MGAT4C: variants seen among roughly 807,000 people sequenced by gnomAD.
MGAT4C encodes the protein MGAT4 family member C.
MGAT4C carries 19 observed loss-of-function variants against 40.1 expected under a neutral mutation model. The ratio of observed to expected loss-of-function variants is 0.47; its 90% confidence interval spans 0.33 to 0.70. The LOEUF (loss-of-function observed/expected upper bound fraction) is 0.70. Among genes scored for constraint, MGAT4C ranks in the 30% least tolerant of loss-of-function variants. The pLI is 0.02. For missense variants in MGAT4C, 491 were observed against 563.2 expected (o/e 0.87, Z 1.30); for synonymous variants, 181 against 187.1 (o/e 0.97, Z 0.27).
intron 2 of MGAT4C, among the ~76,000 whole-genome samples, chr12:86,488,251 A>C (rs1373113757): frequency 2.1e-5 from 3 of 140,570 alleles, no homozygotes; most frequent in African/African-American, 7.7e-5. Context: ...CTTGTTTTCT[A>C]CAAAAAAAAA....
chr12:86,601,555 A>G (rs1424155197), intron 2 of MGAT4C, among the ~76,000 whole-genome samples: 1 of 151,668 alleles, frequency 6.6e-6, no homozygotes, highest in Non-Finnish European at 1.5e-5. Flanking sequence ...CACCTTGCTC[A>G]CCCTCCAATT....
intron 1 of MGAT4C, among the ~76,000 whole-genome samples, chr12:86,059,697 C>T (rs1297866607): frequency 1.3e-5 from 2 of 152,156 alleles, no homozygotes; most frequent in African/African-American, 2.4e-5. Context: ...TTAGCACAAC[C>T]ACAGTGGGAA....
intron 1 of MGAT4C, among the ~76,000 whole-genome samples, chr12:86,743,227 T>C (rs764079054): frequency 1.4e-5 from 2 of 146,384 alleles, no homozygotes; most frequent in African/African-American, 2.5e-5. Context: ...AGAGTTAATA[T>C]AAGCATTTCT....
Position 86,590,192 on chromosome 12 carries a change from C to T in MGAT4C, c.-229+137017G>A, listed in dbSNP as rs189710940. Among the ~76,000 whole-genome samples the T allele has an allele frequency of 2.6e-3, 397 of 151,126 alleles. 1 individual carries two copies. Among genetic ancestry groups the T allele is most frequent in the Non-Finnish European group, 4.5e-3 (301 of 67,606 alleles). ...TACTTCCCTAGGTGCTCTACAGCCG[C>T]GATTCTCTAATAAACCCTGTGTATG... On this transcript the variant is annotated intron_variant, in intron 2 of 7. Coordinates refer to the MGAT4C transcript ENST00000548651.
At position 86,107,044 on chromosome 12, in the gene MGAT4C, G is replaced by T. The variant is rs377748214; in HGVS notation, c.-56-57321C>A. Among the ~76,000 whole-genome samples, 48 of 152,154 alleles carry T rather than the reference G, an allele frequency of 3.2e-4. No individual in the cohort carries two copies. The South Asian group carries it at 9.7e-3, about 31-fold the overall frequency. On this transcript the variant is annotated intron_variant, in intron 1 of 4. Coordinates refer to ENST00000611864, the MANE Select transcript of MGAT4C (RefSeq NM_001351288.2). Reference sequence around the variant, plus strand: ...TAAGCCCTCAAGATTCACTTTTGTGGATCTGAAACATAAGTGTTTTTCTTT... The same window carrying T: ...TAAGCCCTCAAGATTCACTTTTGTGTATCTGAAACATAAGTGTTTTTCTTT...
chr12:86,121,310 G>A (rs1879337257), intron 1 of MGAT4C, among the ~76,000 whole-genome samples: 1 of 152,144 alleles, frequency 6.6e-6, no homozygotes, highest in African/African-American at 2.4e-5. Context: ...GAACCAAGTT[G>A]GAAAACACTC....
intron 1 of MGAT4C, among the ~76,000 whole-genome samples, chr12:86,239,950 G>A (rs1264145371): frequency 6.7e-6 from 1 of 149,560 alleles, no homozygotes; most frequent in Non-Finnish European, 1.5e-5. Flanking sequence ...TGGGTGCAGC[G>A]CACCAGCATG....
At chr12:86,461,261 C>T (rs1444897172) in intron 2 of MGAT4C, among the ~76,000 whole-genome samples, 3 of 129,262 alleles carry the variant, frequency 2.3e-5, no homozygotes, top group Non-Finnish European at 3.2e-5. Context: ...TTTTTTGAGA[C>T]GGAGTCTCGC....
At chr12:86,160,132 A>G (rs1593106747) in intron 1 of MGAT4C, among the ~76,000 whole-genome samples, 1 of 151,824 alleles carries the variant, frequency 6.6e-6, no homozygotes, top group Admixed American at 6.6e-5. Flanking sequence ...ACAAAGTTAC[A>G]TTGCTAATTT....
At chr12:86,356,766 G>A (rs1251105675) in intron 3 of MGAT4C, among the ~76,000 whole-genome samples, 2 of 92,816 alleles carry the variant, frequency 2.2e-5, no homozygotes, top group South Asian at 4.9e-4. Context: ...TGGCAGTGAG[G>A]CTGGGGGAGA....
At chr12:86,100,402 A>T (rs1401724888) in intron 1 of MGAT4C, among the ~76,000 whole-genome samples, 1 of 151,544 alleles carries the variant, frequency 6.6e-6, no homozygotes, top group Non-Finnish European at 1.5e-5. Flanking sequence ...AAATTATTAA[A>T]CATAAAATTT....
chr12:86,264,388 G>A (rs1206779747), intron 4 of MGAT4C, among the ~76,000 whole-genome samples: 2 of 151,998 alleles, frequency 1.3e-5, no homozygotes, highest in African/African-American at 2.4e-5. Flanking sequence ...GTGTTTGTTT[G>A]TTTTTGTTGT....
intron 2 of MGAT4C, among the ~76,000 whole-genome samples, chr12:86,612,395 T>C (rs1468504594): frequency 6.6e-6 from 1 of 152,076 alleles, no homozygotes; most frequent in Non-Finnish European, 1.5e-5. Flanking sequence ...TCTTATCACA[T>C]AGATTTTCAG....
chr12:86,233,805 T>C lies in MGAT4C; in HGVS notation c.-57+22434A>G, dbSNP rs575756337. 4.6e-4 allele frequency among the ~76,000 whole-genome samples: 70 copies of C among 152,292 alleles called. 1 individual carries two copies. Among genetic ancestry groups the C allele is most frequent in the Non-Finnish European group, 9.6e-4 (65 of 68,002 alleles). ...GTTTCCTTGTGAAATAAAATTGCAG[T>C]AAGTATATGTATACATTCATTTTAC... On this transcript the variant is annotated intron_variant, in intron 1 of 4. Coordinates refer to ENST00000611864, the MANE Select transcript of MGAT4C (RefSeq NM_001351288.2).
At position 85,974,740 on chromosome 12, in the gene MGAT4C, T is replaced by C. The variant is rs1028325663; in HGVS notation, c.*4549A>G. On this transcript the variant is annotated 3_prime_UTR_variant, in exon 5 of 5. Transcript: ENST00000611864. ...ATCACATTGAATTTTGTTATGGCCT[T>C]TTTCTTCCTAAAAAGAATAACCCCA... 4 of 150,664 alleles carry C rather than the reference T, an allele frequency of 2.7e-5. No homozygotes were observed. Among genetic ancestry groups the C allele is most frequent in the Non-Finnish European group, 6.0e-5 (4 of 66,990 alleles). The allele number at this position is 150,664 out of a possible 1,614,324, so 9.3% of individuals were successfully genotyped here.
At position 85,976,248 on chromosome 12, in the gene MGAT4C, T is replaced by G. The variant is rs1443084381; in HGVS notation, c.*3041A>C. Reference sequence around the variant, plus strand: ...CTAAACGACAGGTTGGTTTCCAAATTATATTTTCATACCTGGAAAATATCT... The same window carrying G: ...CTAAACGACAGGTTGGTTTCCAAATGATATTTTCATACCTGGAAAATATCT... On this transcript the variant is annotated 3_prime_UTR_variant, in exon 5 of 5. Transcript: ENST00000611864. 6.6e-6 allele frequency: 1 copy of G among 151,092 alleles called. No homozygotes were observed. The highest frequency in any genetic ancestry group is 2.4e-5 in the African/African-American group (1 of 41,362). 9.4% of individuals were successfully genotyped at this position (151,092 alleles called of 1,614,324 possible).
At chr12:86,823,230 A>G (rs2136228549) in intron 1 of MGAT4C, among the ~76,000 whole-genome samples, 1 of 151,296 alleles carries the variant, frequency 6.6e-6, no homozygotes, top group African/African-American at 2.4e-5. Flanking sequence ...ACAAAAAAGA[A>G]CAAACAAAGC....
intron 1 of MGAT4C, among the ~76,000 whole-genome samples, chr12:86,170,796 T>C (rs898158499): frequency 6.7e-6 from 1 of 150,036 alleles, no homozygotes; most frequent in Non-Finnish European, 1.5e-5. Flanking sequence ...CTACAAAAAA[T>C]GGAAAAAATA....
intron 2 of MGAT4C, among the ~76,000 whole-genome samples, chr12:86,634,094 C>G (rs1963143357): frequency 6.6e-6 from 1 of 151,904 alleles, no homozygotes; most frequent in African/African-American, 2.4e-5. Flanking sequence ...TTAAAACTTT[C>G]CCAACAGGTT....
Sources: allele counts gnomAD v4.1 joint callset (sites outside exome capture counted in the v4.1 genomes callset), GRCh38; gene constraint gnomAD v4.1.1; transcripts MANE v1.5; gene names NCBI Gene and HGNC (gene_info 2026-07-23, HGNC 2026-07-21).